Variants in KHDRBS2 observed in about 807,000 individuals in gnomAD.
KHDRBS2 encodes the protein KH RNA binding domain containing, signal transduction associated 2.
Under a neutral mutation model 44.3 loss-of-function variants are expected in KHDRBS2, and 26 were observed. The observed-to-expected ratio is 0.59, with a 90% CI of 0.43 to 0.81. The LOEUF is 0.81. KHDRBS2 is among the 40% of genes least tolerant of loss of function. KHDRBS2 has a pLI of 0.00. For synonymous variants in KHDRBS2, 194 were observed against 151.1 expected (o/e 1.28, Z -2.08); for missense variants, 476 against 433.1 (o/e 1.10, Z -0.88).
intron 3 of KHDRBS2, among the ~76,000 whole-genome samples, chr6:62,005,150 T>C (rs1778983498): frequency 6.6e-6 from 1 of 152,142 alleles, no homozygotes; most frequent in African/African-American, 2.4e-5. Flanking sequence ...TAATGGTCAT[T>C]AATCAGTTGA....
At chr6:61,717,242 C>T (rs933739685) in intron 7 of KHDRBS2, among the ~76,000 whole-genome samples, 1 of 151,842 alleles carries the variant, frequency 6.6e-6, no homozygotes, top group Non-Finnish European at 1.5e-5. Context: ...TCGACAAATA[C>T]AATGTATACA....
chr6:61,622,928 A>G, the KHDRBS2 span, among the ~76,000 whole-genome samples: 2 of 152,078 alleles, frequency 1.3e-5, no homozygotes, highest in Non-Finnish European at 2.9e-5. Flanking sequence ...AATGGGACCT[A>G]AAGAAAGAGA....
At chr6:62,167,410 G>T (rs1818925518) in intron 2 of KHDRBS2, among the ~76,000 whole-genome samples, 1 of 152,026 alleles carries the variant, frequency 6.6e-6, no homozygotes, top group Admixed American at 6.6e-5. Flanking sequence ...TACATGGGTT[G>T]GGCATTAATT....
At chr6:61,786,661 C>T (rs1370931236) in intron 6 of KHDRBS2, among the ~76,000 whole-genome samples, 5 of 151,840 alleles carry the variant, frequency 3.3e-5, no homozygotes, top group African/African-American at 7.2e-5. Context: ...ATTTTACGAC[C>T]TAATAATTCT....
At chr6:61,911,599 C>T (rs1806055791) in intron 4 of KHDRBS2, among the ~76,000 whole-genome samples, 1 of 151,994 alleles carries the variant, frequency 6.6e-6, no homozygotes, top group Non-Finnish European at 1.5e-5. Flanking sequence ...GTGGCTGCTG[C>T]TTTTTGTTTT....
At chr6:61,888,096 A>T (rs999950222) in intron 6 of KHDRBS2, among the ~76,000 whole-genome samples, 2 of 152,146 alleles carry the variant, frequency 1.3e-5, no homozygotes, top group African/African-American at 2.4e-5. Context: ...ACGTTTTGGG[A>T]TGTCTGCCAA....
chr6:61,867,308 C>T (rs6928610), intron 6 of KHDRBS2, among the ~76,000 whole-genome samples: 52,357 of 152,026 alleles, frequency 0.34, 9,654 homozygotes, highest in African/African-American at 0.48. Flanking sequence ...CATGAGATCT[C>T]GTGAAACTTA....
intron 3 of KHDRBS2, among the ~76,000 whole-genome samples, chr6:61,998,264 A>T (rs1195871920): frequency 6.6e-6 from 1 of 152,276 alleles, no homozygotes. Flanking sequence ...AAGAAATTGA[A>T]TTAATTCACT....
chr6:61,702,252 T>G (rs1768803760), intron 7 of KHDRBS2, among the ~76,000 whole-genome samples: 1 of 151,952 alleles, frequency 6.6e-6, no homozygotes, highest in Non-Finnish European at 1.5e-5. Context: ...TTTTTACGAC[T>G]TGTTTATCCT....
rs1425839225 is a variant in KHDRBS2 at position 61,993,673 on chromosome 6, A to ATATTTT, written c.337-15462_337-15461insAAAATA. On this transcript the variant is annotated intron_variant, in intron 3 of 8. Transcript: ENST00000281156. ...ATCATATATATATATATATATATAT[A>ATATTTT]TTTTTTTTTTTTGATGTGAGCTTAT... Among the ~76,000 whole-genome samples, 123 of 115,676 alleles carry ATATTTT rather than the reference A, an allele frequency of 1.1e-3. 2 individuals are homozygous for ATATTTT. Among genetic ancestry groups the ATATTTT allele is most frequent in the South Asian group, 3.3e-3 (12 of 3,610 alleles). 75.9% of individuals were successfully genotyped at this position (115,676 alleles called of 152,430 possible). A position where few individuals can be genotyped will look rare whatever the true frequency, so the allele number is the denominator to read the frequency against.
At chr6:61,721,231 C>A (rs1466178288) in intron 7 of KHDRBS2, among the ~76,000 whole-genome samples, 1 of 152,104 alleles carries the variant, frequency 6.6e-6, no homozygotes, top group African/African-American at 2.4e-5. Context: ...CAGCTTTGTC[C>A]TTTTGGCTCC....
chr6:62,109,635 C>A (rs1463476882), intron 2 of KHDRBS2, among the ~76,000 whole-genome samples: 2 of 151,538 alleles, frequency 1.3e-5, no homozygotes, highest in African/African-American at 2.4e-5. Flanking sequence ...TGGCAATGAA[C>A]AATTGAAAAA....
At chr6:62,083,297 C>CA (rs1797766186) in intron 2 of KHDRBS2, among the ~76,000 whole-genome samples, 1 of 152,116 alleles carries the variant, frequency 6.6e-6, no homozygotes, top group Non-Finnish European at 1.5e-5. Context: ...CAGCCAGGGA[C>CA]AGCCATACTC....
At chr6:61,816,542 C>T (rs755343490) in intron 6 of KHDRBS2, 46 of 408,616 alleles carry the variant, frequency 1.1e-4, no homozygotes, top group Non-Finnish European at 1.9e-4. Context: ...GGAGCACGAC[C>T]CTGCTGACAT....
intron 1 of KHDRBS2, among the ~76,000 whole-genome samples, chr6:62,214,123 C>A (rs1297003494): frequency 2.0e-5 from 3 of 152,046 alleles, no homozygotes; most frequent in African/African-American, 7.2e-5. Context: ...TCTGATGCTT[C>A]ACTTGTTTAC....
chr6:61,543,600 G>GAT, the KHDRBS2 span, among the ~76,000 whole-genome samples: 2 of 151,908 alleles, frequency 1.3e-5, no homozygotes. Flanking sequence ...CCCACTGCTA[G>GAT]ATATATACCC....
At chr6:61,651,405 T>C in the KHDRBS2 span, among the ~76,000 whole-genome samples, 2 of 152,138 alleles carry the variant, frequency 1.3e-5, no homozygotes, top group Non-Finnish European at 2.9e-5. Flanking sequence ...AGTAATTTTA[T>C]TTTCCTCTTG....
chr6:62,253,124 T>G (rs976276362), intron 1 of KHDRBS2, among the ~76,000 whole-genome samples: 1 of 152,030 alleles, frequency 6.6e-6, no homozygotes, highest in Non-Finnish European at 1.5e-5. Flanking sequence ...GCAGGCTTTA[T>G]AATTATTGTT....
chr6:62,025,051 A>G (rs1783041294), intron 3 of KHDRBS2, among the ~76,000 whole-genome samples: 1 of 151,768 alleles, frequency 6.6e-6, no homozygotes, highest in African/African-American at 2.4e-5. Context: ...TATTGAAATT[A>G]CTAAATATGT....
Sources: allele counts gnomAD v4.1 joint callset (sites outside exome capture counted in the v4.1 genomes callset), GRCh38; gene constraint gnomAD v4.1.1; transcripts MANE v1.5; gene names NCBI Gene and HGNC (gene_info 2026-07-23, HGNC 2026-07-21).